The following FAM91A1 variants were observed in gnomAD, a reference collection of about 807,000 sequenced individuals.
FAM91A1 encodes family with sequence similarity 91 member A1, also known as protein FAM91A1.
FAM91A1 carries 41 observed loss-of-function variants against 113.5 expected under a neutral mutation model. The ratio of observed to expected loss-of-function variants is 0.36; its 90% confidence interval spans 0.28 to 0.47. The LOEUF is 0.47. Ranked by LOEUF, FAM91A1 falls within the 20% of genes least tolerant of loss-of-function variation. FAM91A1 has a pLI of 1.00. For synonymous variants in FAM91A1, 307 were observed against 347.9 expected, an observed-to-expected ratio of 0.88 and a Z score of 1.31; for missense variants, 696 against 1,001.2, an observed-to-expected ratio of 0.70 and a Z score of 4.11.
chr8:123,788,598 TATACTGCCATTTATTTCTTC>T (rs553374036), intron 14 of FAM91A1, among the ~76,000 whole-genome samples: 3 of 152,316 alleles, frequency 2.0e-5, no homozygotes, highest in African/African-American at 7.2e-5. Context: ...CTTTTACCTT[TATACTGCCATTTATTTCTTC>T]ATGCTTCTTT....
intron 6 of FAM91A1, among the ~76,000 whole-genome samples, chr8:123,779,189 C>G (rs534410125): frequency 1.9e-4 from 29 of 152,302 alleles, no homozygotes; most frequent in Non-Finnish European, 3.8e-4. Flanking sequence ...ACCCCCATTT[C>G]ACAGATGAGG....
intron 20 of FAM91A1, 23 bp from the exon 21 acceptor site, chr8:123,808,249 T>C (rs1815859285): frequency 1.2e-5 from 19 of 1,589,072 alleles, no homozygotes; most frequent in Non-Finnish European, 1.6e-5. Context: ...ATCCTAATAT[T>C]GTGTATGCCC....
rs1401297703 is a variant in FAM91A1 at position 123,813,264 on chromosome 8, A to G, written c.*560A>G. Reference sequence around the variant, plus strand: ...ATGTCAGTTGGACATTGTAGAAGGTATGTAAATCAGCATAGTTGTGTATAA... The same window carrying G: ...ATGTCAGTTGGACATTGTAGAAGGTGTGTAAATCAGCATAGTTGTGTATAA... On this transcript the variant is annotated 3_prime_UTR_variant, in exon 24 of 24. Transcript: ENST00000334705. The G allele has an allele frequency of 6.5e-6, 1 of 152,676 alleles. No homozygotes were observed. Among genetic ancestry groups the G allele is most frequent in the African/African-American group, 2.4e-5 (1 of 41,462 alleles). 9.5% of individuals were successfully genotyped at this position (152,676 alleles called of 1,614,324 possible). A position where few individuals can be genotyped will look rare whatever the true frequency, so the allele number is the denominator to read the frequency against.
intron 18 of FAM91A1, among the ~76,000 whole-genome samples, chr8:123,803,310 T>C (rs7010435): frequency 0.02 from 3,088 of 152,006 alleles, 109 homozygotes; most frequent in African/African-American, 0.072. Context: ...GTACCTGTTT[T>C]TATTTATTTA....
intron 20 of FAM91A1, among the ~76,000 whole-genome samples, chr8:123,806,789 C>T (rs1002552437): frequency 6.6e-6 from 1 of 152,038 alleles, no homozygotes; most frequent in African/African-American, 2.4e-5. Flanking sequence ...AACTTTAAAC[C>T]TTAAACATGT....
intron 18 of FAM91A1, among the ~76,000 whole-genome samples, chr8:123,803,340 C>T (rs1371586929): frequency 1.3e-5 from 2 of 151,892 alleles, no homozygotes; most frequent in Non-Finnish European, 2.9e-5. Flanking sequence ...GACACGGTCT[C>T]ACTCTGTCAC....
intron 1 of FAM91A1, among the ~76,000 whole-genome samples, chr8:123,769,965 C>A (rs947440773): frequency 6.7e-5 from 8 of 120,108 alleles, no homozygotes; most frequent in African/African-American, 2.5e-4. Context: ...TTTTTATTTT[C>A]ATTTCTTTGA....
chr8:123,784,605 T>C (rs772947359), intron 9 of FAM91A1, 29 bp downstream of exon 9: 41 of 1,486,588 alleles, frequency 2.8e-5, no homozygotes, highest in Non-Finnish European at 3.7e-5. Flanking sequence ...CATGAAAATA[T>C]AATCTCAAGA....
At chr8:123,804,185 C>T (rs1184624801) in intron 18 of FAM91A1, among the ~76,000 whole-genome samples, 3 of 151,836 alleles carry the variant, frequency 2.0e-5, no homozygotes, top group Non-Finnish European at 2.9e-5. Context: ...AAAAATAAAA[C>T]GTTATTAAAA....
chr8:123,769,756 TG>T (rs1456236923), intron 1 of FAM91A1, among the ~76,000 whole-genome samples: 6 of 152,068 alleles, frequency 3.9e-5, no homozygotes, highest in African/African-American at 1.2e-4. Flanking sequence ...ACATAGCAGA[TG>T]GTTTTAAGTC....
intron 12 of FAM91A1, among the ~76,000 whole-genome samples, chr8:123,786,998 A>G (rs553479125): frequency 6.6e-6 from 1 of 152,310 alleles, no homozygotes; most frequent in East Asian, 1.9e-4. Context: ...CAGGGAAGGA[A>G]AGCCATTTCA....
rs752345504 is a variant in FAM91A1, at chr8:123,786,484, T to C, written c.963-11T>C. 17 of 1,582,614 alleles carry C rather than the reference T, an allele frequency of 1.1e-5. No homozygotes were observed. The South Asian group carries it at 1.9e-4, about 18-fold the overall frequency. Reference sequence around the variant, plus strand: ...TGATTTTTAAAAAGCAAATGCATTCTTCATTAATAGGAGTACCTTAGATCC... The same window carrying C: ...TGATTTTTAAAAAGCAAATGCATTCCTCATTAATAGGAGTACCTTAGATCC... On this transcript the variant is annotated splice_polypyrimidine_tract_variant and intron_variant, in intron 11 of 23. Coordinates refer to ENST00000334705, the MANE Select transcript of FAM91A1 (RefSeq NM_144963.4).
intron 5 of FAM91A1, among the ~76,000 whole-genome samples, chr8:123,778,406 T>C (rs73703655): frequency 0.079 from 11,975 of 152,260 alleles, 860 homozygotes; most frequent in African/African-American, 0.19. Flanking sequence ...TTTCACTGCT[T>C]GGGTTTCACT....
intron 11 of FAM91A1, chr8:123,786,157 C>T: frequency 3.8e-6 from 1 of 263,092 alleles, no homozygotes; most frequent in Non-Finnish European, 7.3e-6. Flanking sequence ...TTGAGGTGAG[C>T]CCTTTATATT....
intron 18 of FAM91A1, among the ~76,000 whole-genome samples, chr8:123,803,425 C>A (rs1332129833): frequency 1.3e-5 from 2 of 152,110 alleles, no homozygotes; most frequent in African/African-American, 4.8e-5. Flanking sequence ...ATCCTCCTGC[C>A]TTAGCCTCCA....
chr8:123,808,881 A>G lies in FAM91A1; in HGVS notation c.2138-12A>G. On this transcript the variant is annotated splice_polypyrimidine_tract_variant and intron_variant, in intron 21 of 23. Transcript: ENST00000334705. ...ATATGATAAAAAAATAAGTTTATGT[A>G]TCCTTTCTTAGGTGCCACAACAGAA... 5 of 1,605,554 alleles carry G rather than the reference A, an allele frequency of 3.1e-6. No homozygotes were observed. The highest frequency in any genetic ancestry group is 1.1e-5 in the South Asian group (1 of 89,934).
At chr8:123,806,046 CTG>C (rs764726566) in intron 19 of FAM91A1, 32 bp from the exon 20 acceptor site, 286 of 1,493,582 alleles carry the variant, frequency 1.9e-4, no homozygotes, top group Non-Finnish European at 2.5e-4. Context: ...TTATTAGAAA[CTG>C]TTCATTAATG....
chr8:123,770,828 A>G (rs1814820661), intron 1 of FAM91A1, among the ~76,000 whole-genome samples: 1 of 152,320 alleles, frequency 6.6e-6, no homozygotes, highest in Middle Eastern at 3.4e-3. Flanking sequence ...AACAGTGGCT[A>G]TTTTAGCTTA....
At position 123,785,900 on chromosome 8, in the gene FAM91A1, C is replaced by T. The variant is rs1815243140; in HGVS notation, c.962+159C>T. The T allele has an allele frequency of 9.9e-6, 5 of 502,882 alleles. No homozygotes were observed. In the South Asian group the frequency reaches 1.1e-4, roughly 11 times the overall value. The allele number at this position is 502,882 out of a possible 1,614,324, so 31.2% of individuals were successfully genotyped here. A position where few individuals can be genotyped will look rare whatever the true frequency, so the allele number is the denominator to read the frequency against. Reference sequence around the variant, plus strand: ...TGGCGCGATCTCGGCTCACTGCAACCTCCACCTCCCCGTTTCAAGCGATTT... The same window carrying T: ...TGGCGCGATCTCGGCTCACTGCAACTTCCACCTCCCCGTTTCAAGCGATTT... On this transcript the variant is annotated intron_variant, in intron 11 of 23. Coordinates refer to ENST00000334705, the MANE Select transcript of FAM91A1 (RefSeq NM_144963.4).
Sources: allele counts gnomAD v4.1 joint callset (sites outside exome capture counted in the v4.1 genomes callset), GRCh38; gene constraint gnomAD v4.1.1; transcripts MANE v1.5; gene names NCBI Gene and HGNC (gene_info 2026-07-23, HGNC 2026-07-21).